Variants in ANO2 observed in about 807,000 individuals in gnomAD.
ANO2 encodes anoctamin-2.
Under a neutral mutation model 124.2 loss-of-function variants are expected in ANO2, and 101 were observed. The ratio of observed to expected loss-of-function variants is 0.81; its 90% CI spans 0.69 to 0.96. ANO2 has a LOEUF of 0.96. Ranked by LOEUF, ANO2 falls within the 40% of genes least tolerant of loss-of-function variation. The pLI is 0.00. For missense variants in ANO2, 1,293 were observed against 1,274.5 expected (o/e 1.01, Z -0.22); for synonymous variants, 486 against 482.5 (o/e 1.01, Z -0.09).
intron 19 of ANO2, 38 bp from the exon 20 acceptor site, chr12:5,599,667 G>C: frequency 6.2e-7 from 1 of 1,608,684 alleles, no homozygotes; most frequent in Non-Finnish European, 8.5e-7. Flanking sequence ...AAAGCCTCTG[G>C]AGAACAGGGT....
intron 15 of ANO2, among the ~76,000 whole-genome samples, chr12:5,637,341 G>GTC (rs1469082237): frequency 9.8e-6 from 1 of 101,716 alleles, no homozygotes; most frequent in Non-Finnish European, 2.1e-5. Context: ...GTGAGTGAAT[G>GTC]TGTGTGTGTG....
At chr12:5,914,127 G>C (rs1941229440) in intron 3 of ANO2, among the ~76,000 whole-genome samples, 1 of 152,096 alleles carries the variant, frequency 6.6e-6, no homozygotes, top group East Asian at 1.9e-4. Context: ...TTGAACCCGG[G>C]AGGCGGAGGT....
intron 16 of ANO2, among the ~76,000 whole-genome samples, chr12:5,628,733 C>T (rs989936730): frequency 6.6e-6 from 1 of 152,116 alleles, no homozygotes; most frequent in African/African-American, 2.4e-5. Flanking sequence ...TGCATGTGTA[C>T]AAGTGTGTGC....
At chr12:5,682,080 CAT>C (rs1948516183) in intron 14 of ANO2, among the ~76,000 whole-genome samples, 1 of 152,198 alleles carries the variant, frequency 6.6e-6, no homozygotes, top group Middle Eastern at 3.2e-3. Context: ...AAAATGAATG[CAT>C]AGAGATCCAT....
At chr12:5,884,334 G>A (rs12304344) in intron 3 of ANO2, among the ~76,000 whole-genome samples, 3,936 of 152,304 alleles carry the variant, frequency 0.026, 151 homozygotes, top group African/African-American at 0.089. Flanking sequence ...TGTCCACCTG[G>A]CCAGCCTCAG....
At chr12:5,859,924 C>G (rs150526910) in intron 3 of ANO2, among the ~76,000 whole-genome samples, 2 of 152,294 alleles carry the variant, frequency 1.3e-5, no homozygotes, top group Non-Finnish European at 2.9e-5. Context: ...CACAAAGAGG[C>G]TAAGTTACGT....
chr12:5,837,574 GT>G (rs1954371059), intron 4 of ANO2, among the ~76,000 whole-genome samples: 1 of 147,412 alleles, frequency 6.8e-6, no homozygotes, highest in Admixed American at 7.0e-5. Context: ...AGAATATGCA[GT>G]GTTTGCTTTT....
chr12:5,740,476 T>C (rs142947514), intron 12 of ANO2: 1 of 155,774 alleles, frequency 6.4e-6, no homozygotes, highest in Admixed American at 6.2e-5. Flanking sequence ...AAAACACCAT[T>C]CTAGGCATTG....
At chr12:5,845,806 A>G (rs932902452) in intron 4 of ANO2, among the ~76,000 whole-genome samples, 2 of 152,074 alleles carry the variant, frequency 1.3e-5, no homozygotes. Context: ...CTGAGTTTCA[A>G]TTTTCTCATC....
chr12:5,822,942 GAAACCCCTGAT>G (rs570967578), intron 7 of ANO2, among the ~76,000 whole-genome samples: 101 of 152,284 alleles, frequency 6.6e-4, no homozygotes, highest in African/African-American at 2.4e-3. Flanking sequence ...AGCAAAAGCA[GAAACCCCTGAT>G]AAACCCATCA....
chr12:5,584,457 C>T (rs949970159), intron 20 of ANO2, among the ~76,000 whole-genome samples: 1 of 152,182 alleles, frequency 6.6e-6, no homozygotes, highest in African/African-American at 2.4e-5. Flanking sequence ...AATCCTCCTT[C>T]TTATGAGCCA....
intron 1 of ANO2, among the ~76,000 whole-genome samples, chr12:5,924,650 TAC>T (rs1345601152): frequency 6.6e-6 from 1 of 152,224 alleles, no homozygotes; most frequent in African/African-American, 2.4e-5. Context: ...AGCAGACAGC[TAC>T]AGATAAAAGG....
chr12:5,936,424 G>A (rs1260659847), intron 1 of ANO2, among the ~76,000 whole-genome samples: 2 of 152,062 alleles, frequency 1.3e-5, no homozygotes, highest in Non-Finnish European at 2.9e-5. Flanking sequence ...TTTACAAATG[G>A]GTTAGTACCC....
intron 13 of ANO2, 197 bp downstream of exon 13, chr12:5,739,120 G>A (rs1367279315): frequency 1.4e-5 from 10 of 690,032 alleles, no homozygotes; most frequent in African/African-American, 3.5e-5. Flanking sequence ...AGGGAAGAGG[G>A]GGTACTTGAA....
intron 10 of ANO2, among the ~76,000 whole-genome samples, chr12:5,760,485 C>A (rs1951705736): frequency 6.6e-6 from 1 of 152,076 alleles, no homozygotes; most frequent in African/African-American, 2.4e-5. Flanking sequence ...GAGCTCTCAT[C>A]CCAAACAACT....
At chr12:5,678,235 T>G (rs148407270) in intron 14 of ANO2, among the ~76,000 whole-genome samples, 4 of 152,320 alleles carry the variant, frequency 2.6e-5, no homozygotes, top group Non-Finnish European at 5.9e-5. Flanking sequence ...GAGAAAGACT[T>G]AGTTTGGAAC....
At chr12:5,732,756 C>T in intron 13 of ANO2, 126 bp from the exon 14 acceptor site, 10 of 1,548,806 alleles carry the variant, frequency 6.5e-6, no homozygotes, top group Non-Finnish European at 8.0e-6. Flanking sequence ...TATGAACTGC[C>T]CCACCACACA....
At chr12:5,573,094 G>A (rs1039577540) in intron 23 of ANO2, among the ~76,000 whole-genome samples, 2 of 152,234 alleles carry the variant, frequency 1.3e-5, no homozygotes, top group South Asian at 2.1e-4. Context: ...GCAATCATAC[G>A]GAACTTAAAA....
intron 3 of ANO2, among the ~76,000 whole-genome samples, chr12:5,917,929 G>C (rs1012429587): frequency 3.3e-5 from 5 of 152,136 alleles, no homozygotes; most frequent in Non-Finnish European, 7.4e-5. Context: ...AGCTAAGCAA[G>C]GTCATGAGCT....
Sources: gnomAD v4.1 joint callset for allele counts (sites outside exome capture counted in the v4.1 genomes callset) on GRCh38, gnomAD v4.1.1 for gene constraint, MANE v1.5 for transcripts, NCBI Gene and HGNC (gene_info 2026-07-23, HGNC 2026-07-21) for gene names.